Variants in TENM3 observed in about 807,000 individuals in gnomAD.
The protein encoded by TENM3 is teneurin transmembrane protein 3.
In TENM3, 63 loss-of-function variants were observed where a neutral mutation model predicts 255.1. That is an observed-to-expected ratio of 0.25 (90% CI 0.20 to 0.30). The LOEUF is 0.30. TENM3 is among the 10% of genes least tolerant of loss of function. TENM3 has a pLI of 1.00. For synonymous variants in TENM3, 1,306 were observed against 1,322.3 expected (o/e 0.99, Z 0.27); for missense variants, 2,929 against 3,461.1 (o/e 0.85, Z 3.86).
intron 3 of TENM3, among the ~76,000 whole-genome samples, chr4:182,584,281 G>A (rs1400429248): frequency 6.6e-6 from 1 of 152,198 alleles, no homozygotes; most frequent in East Asian, 1.9e-4. Context: ...TGGGAACTAT[G>A]ACAACATGAC....
the TENM3 span, among the ~76,000 whole-genome samples, chr4:181,821,069 A>G: frequency 1.3e-5 from 2 of 151,990 alleles, no homozygotes; most frequent in Admixed American, 6.6e-5. Flanking sequence ...AGAGAGAGCC[A>G]CTCCTGCCCA....
the TENM3 span, among the ~76,000 whole-genome samples, chr4:181,498,800 G>A: frequency 1.3e-5 from 2 of 152,118 alleles, no homozygotes; most frequent in Non-Finnish European, 2.9e-5. Context: ...CCTGTCAGGG[G>A]TAAGAAGGCA....
intron 12 of TENM3, among the ~76,000 whole-genome samples, chr4:182,697,015 A>G (rs1757482342): frequency 1.3e-5 from 2 of 152,140 alleles, no homozygotes; most frequent in Admixed American, 1.3e-4. Context: ...GAATGAAAAT[A>G]GTAACTACCT....
At chr4:181,754,862 A>T in the TENM3 span, among the ~76,000 whole-genome samples, 174 of 152,302 alleles carry the variant, frequency 1.1e-3, no homozygotes, top group Admixed American at 2.6e-3. Flanking sequence ...TATAACATGC[A>T]ACCCCCAGAA....
At chr4:181,566,646 TGGTTTACACAGGCCCGTCTG>T in the TENM3 span, among the ~76,000 whole-genome samples, 8 of 152,286 alleles carry the variant, frequency 5.3e-5, no homozygotes, top group South Asian at 1.5e-3. Context: ...CGACCAGCTG[TGGTTTACACAGGCCCGTCTG>T]GTTTTCAGCT....
the TENM3 span, among the ~76,000 whole-genome samples, chr4:181,775,580 A>T: frequency 1.3e-5 from 2 of 152,130 alleles, no homozygotes; most frequent in Non-Finnish European, 2.9e-5. Flanking sequence ...TTTTCTACTA[A>T]GTTATTAAAT....
At chr4:181,749,060 T>C in the TENM3 span, among the ~76,000 whole-genome samples, 2 of 151,902 alleles carry the variant, frequency 1.3e-5, no homozygotes, top group African/African-American at 4.8e-5. Context: ...GCAAGAAAAA[T>C]GTAATAGTAA....
chr4:182,487,706 T>A (rs2151559848), intron 3 of TENM3, among the ~76,000 whole-genome samples: 1 of 152,290 alleles, frequency 6.6e-6, no homozygotes, highest in Non-Finnish European at 1.5e-5. Context: ...GATTTTTCTC[T>A]ACCCTCAAGG....
At chr4:182,101,098 G>A in the TENM3 span, among the ~76,000 whole-genome samples, 7 of 43,334 alleles carry the variant, frequency 1.6e-4, 1 homozygote, top group African/African-American at 5.6e-4. Context: ...GAGGGAGGGA[G>A]GGAGGGAGGA....
chr4:182,265,889 A>G (rs1445689779), intron 1 of TENM3, among the ~76,000 whole-genome samples: 2 of 152,266 alleles, frequency 1.3e-5, no homozygotes, highest in African/African-American at 2.4e-5. Context: ...AAAATTATTG[A>G]TAAAATAAAA....
intron 3 of TENM3, among the ~76,000 whole-genome samples, chr4:182,473,021 C>T (rs909086088): frequency 6.6e-6 from 1 of 152,172 alleles, no homozygotes; most frequent in Admixed American, 6.5e-5. Context: ...CTCTTCCAAT[C>T]GGATGCTCAC....
At chr4:182,072,789 A>G in the TENM3 span, among the ~76,000 whole-genome samples, 108,861 of 151,990 alleles carry the variant, frequency 0.72, 39,713 homozygotes, top group East Asian at 0.87. Flanking sequence ...ATTTTCCTCC[A>G]TCTCATCTTC....
the TENM3 span, among the ~76,000 whole-genome samples, chr4:182,056,282 G>C: frequency 1.6e-4 from 24 of 152,264 alleles, no homozygotes; most frequent in African/African-American, 5.1e-4. Flanking sequence ...CAATGTCTTT[G>C]ACATGTTATA....
At chr4:182,269,858 G>A (rs112025342) in intron 1 of TENM3, among the ~76,000 whole-genome samples, 3,063 of 152,166 alleles carry the variant, frequency 0.02, 111 homozygotes, top group African/African-American at 0.07. Flanking sequence ...AAGGAGGTTG[G>A]CTCACAGTTT....
chr4:182,773,300 C>A lies in TENM3; in HGVS notation c.4893-172C>A, dbSNP rs190988875. 6.6e-4 allele frequency among the ~76,000 whole-genome samples: 101 copies of A among 152,260 alleles called. 1 individual carries two copies. The highest frequency in any genetic ancestry group is 8.7e-4 in the Non-Finnish European group (59 of 68,014). On this transcript the variant is annotated intron_variant, in intron 22 of 27. Transcript: ENST00000511685. ...ACCGGTGAGGTTTTTCTATGTTAAA[C>A]GGGTTTTTGATTACTTCAAAGCATG... is the stretch of plus-strand genomic sequence containing the variant.
chr4:182,680,899 A>C (rs1756120387), intron 10 of TENM3, among the ~76,000 whole-genome samples, 162 bp downstream of exon 10: 1 of 152,220 alleles, frequency 6.6e-6, no homozygotes, highest in Non-Finnish European at 1.5e-5. Context: ...CATTTTAACT[A>C]ATAAAAAGAA....
At chr4:181,533,049 G>A in the TENM3 span, among the ~76,000 whole-genome samples, 1 of 152,080 alleles carries the variant, frequency 6.6e-6, no homozygotes, top group Non-Finnish European at 1.5e-5. Context: ...TTTCTACCCG[G>A]GGTTTTGGGG....
intron 3 of TENM3, among the ~76,000 whole-genome samples, chr4:182,523,230 A>G (rs891531642): frequency 6.6e-5 from 10 of 151,744 alleles, no homozygotes; most frequent in Admixed American, 6.6e-4. Flanking sequence ...TTGAGTAGGC[A>G]CATGTTAAGT....
chr4:181,737,984 A>G, the TENM3 span, among the ~76,000 whole-genome samples: 1 of 151,928 alleles, frequency 6.6e-6, no homozygotes, highest in Admixed American at 6.6e-5. Context: ...AGCACAATAA[A>G]TGAGGAAAAA....
Sources: gnomAD v4.1 joint callset for allele counts (sites outside exome capture counted in the v4.1 genomes callset) on GRCh38, gnomAD v4.1.1 for gene constraint, MANE v1.5 for transcripts, NCBI Gene and HGNC (gene_info 2026-07-23, HGNC 2026-07-21) for gene names.